TCF12: variants seen among roughly 807,000 people sequenced by gnomAD.
TCF12 encodes the protein DNA-binding protein HTF4.
In TCF12, 45 loss-of-function variants were observed where a neutral mutation model predicts 86.0. The observed-to-expected ratio is 0.52, with a 90% CI of 0.41 to 0.67. TCF12 has a LOEUF of 0.67. Among genes scored for constraint, TCF12 ranks in the 30% least tolerant of loss-of-function variants. The pLI is 0.00. For synonymous variants in TCF12, 330 were observed against 299.6 expected, an observed-to-expected ratio of 1.10 and a Z score of -1.05; for missense variants, 881 against 859.9, an observed-to-expected ratio of 1.02 and a Z score of -0.31.
At chr15:57,173,343 A>C (rs755195443) in intron 6 of TCF12, among the ~76,000 whole-genome samples, 1 of 152,248 alleles carries the variant, frequency 6.6e-6, no homozygotes, top group Non-Finnish European at 1.5e-5. Context: ...CTAAGAACTT[A>C]GCTAGAAAAA....
At chr15:57,116,971 A>G (rs1357532022) in intron 5 of TCF12, among the ~76,000 whole-genome samples, 1 of 152,086 alleles carries the variant, frequency 6.6e-6, no homozygotes, top group African/African-American at 2.4e-5. Flanking sequence ...AGATTTCATC[A>G]TTATTTGGCA....
chr15:57,265,489 G>A (rs545711078), intron 18 of TCF12, among the ~76,000 whole-genome samples: 50 of 152,148 alleles, frequency 3.3e-4, no homozygotes, highest in African/African-American at 1.1e-3. Flanking sequence ...AGCCTCCCCC[G>A]ACCCTGAACT....
At chr15:56,987,746 T>C (rs2063265082) in intron 3 of TCF12, among the ~76,000 whole-genome samples, 1 of 152,226 alleles carries the variant, frequency 6.6e-6, no homozygotes, top group Non-Finnish European at 1.5e-5. Context: ...AAAGAAAAGC[T>C]GTCATCTGTA....
intron 12 of TCF12, among the ~76,000 whole-genome samples, chr15:57,242,001 A>C (rs542024300): frequency 1.4e-4 from 21 of 152,168 alleles, no homozygotes; most frequent in African/African-American, 4.8e-4. Context: ...CAGGGAAAAA[A>C]AAAATGAAAT....
At chr15:57,028,861 C>T (rs752506764) in intron 3 of TCF12, among the ~76,000 whole-genome samples, 6 of 151,896 alleles carry the variant, frequency 4.0e-5, no homozygotes, top group African/African-American at 7.2e-5. Flanking sequence ...TGCAGTAATG[C>T]GATCTTGGCT....
chr15:57,282,034 T>G (rs1202693191), intron 19 of TCF12: 1 of 228,638 alleles, frequency 4.4e-6, no homozygotes, highest in Non-Finnish European at 8.6e-6. Flanking sequence ...TTTTCTGAAC[T>G]GGTAACATTT....
intron 5 of TCF12, among the ~76,000 whole-genome samples, chr15:57,160,324 AG>A (rs1555522716): frequency 6.6e-6 from 1 of 152,170 alleles, no homozygotes; most frequent in Non-Finnish European, 1.5e-5. Flanking sequence ...TGCAGAGCAA[AG>A]GGGGGAAAAG....
intron 18 of TCF12, among the ~76,000 whole-genome samples, chr15:57,264,770 C>T (rs906598941): frequency 2.6e-5 from 4 of 152,134 alleles, no homozygotes; most frequent in African/African-American, 9.7e-5. Flanking sequence ...GGTCTTGTCG[C>T]CCAGGCTGGG....
chr15:57,265,066 TAAATA>T (rs1215418683), intron 18 of TCF12, among the ~76,000 whole-genome samples: 4 of 141,450 alleles, frequency 2.8e-5, no homozygotes, highest in South Asian at 2.3e-4. Context: ...ACTCTAATGA[TAAATA>T]GTATAGTATA....
intron 3 of TCF12, among the ~76,000 whole-genome samples, chr15:56,943,098 G>T (rs2060850054): frequency 6.6e-6 from 1 of 152,136 alleles, no homozygotes; most frequent in African/African-American, 2.4e-5. Flanking sequence ...CCTCTGTTCA[G>T]TTTCTCCTGA....
At chr15:56,969,252 T>C (rs1455742952) in intron 3 of TCF12, among the ~76,000 whole-genome samples, 1 of 152,186 alleles carries the variant, frequency 6.6e-6, no homozygotes, top group Non-Finnish European at 1.5e-5. Context: ...GGTCCTGAGA[T>C]CTATTTTCGT....
At chr15:57,091,177 TCTA>T (rs1462201893) in intron 4 of TCF12, among the ~76,000 whole-genome samples, 3 of 152,230 alleles carry the variant, frequency 2.0e-5, no homozygotes, top group African/African-American at 7.2e-5. Flanking sequence ...TATATATTGT[TCTA>T]CTACAGTAGT....
At chr15:57,235,810 T>G (rs909658558) in intron 12 of TCF12, among the ~76,000 whole-genome samples, 3 of 152,196 alleles carry the variant, frequency 2.0e-5, no homozygotes, top group Admixed American at 1.3e-4. Context: ...TTTGTTTGTT[T>G]TATTAAAGAA....
intron 8 of TCF12, among the ~76,000 whole-genome samples, chr15:57,223,828 G>C (rs2058741763): frequency 1.3e-5 from 2 of 151,536 alleles, no homozygotes; most frequent in African/African-American, 4.8e-5. Flanking sequence ...GTTAACATGA[G>C]AGAAGAATAT....
chr15:57,031,341 G>A (rs902462509), intron 3 of TCF12, among the ~76,000 whole-genome samples: 1 of 150,532 alleles, frequency 6.6e-6, no homozygotes, highest in Non-Finnish European at 1.5e-5. Context: ...CTTCTTTGTG[G>A]CCAGGAGCTT....
chr15:57,219,646 A>G, intron 8 of TCF12: 1 of 1,522,530 alleles, frequency 6.6e-7, no homozygotes. Flanking sequence ...AAAGCAGTAT[A>G]CATTACTCGC....
At chr15:57,106,372 A>C (rs1355722657) in intron 5 of TCF12, among the ~76,000 whole-genome samples, 1 of 152,248 alleles carries the variant, frequency 6.6e-6, no homozygotes, top group Non-Finnish European at 1.5e-5. Context: ...AATTTTCTGT[A>C]CTAACTGACG....
At chr15:57,121,541 C>T (rs1367216802) in intron 5 of TCF12, among the ~76,000 whole-genome samples, 1 of 152,136 alleles carries the variant, frequency 6.6e-6, no homozygotes, top group Admixed American at 6.5e-5. Flanking sequence ...AAAGGCGCAC[C>T]TTCTTGCCCT....
intron 3 of TCF12, among the ~76,000 whole-genome samples, chr15:56,997,800 A>T (rs1253312497): frequency 6.6e-6 from 1 of 152,222 alleles, no homozygotes; most frequent in African/African-American, 2.4e-5. Context: ...GAAAAAACCC[A>T]CTTTATGCTG....
Sources: gnomAD v4.1 joint callset for allele counts (sites outside exome capture counted in the v4.1 genomes callset) on GRCh38, gnomAD v4.1.1 for gene constraint, MANE v1.5 for transcripts, NCBI Gene and HGNC (gene_info 2026-07-23, HGNC 2026-07-21) for gene names.